HEPH: variants seen among roughly 807,000 people sequenced by gnomAD.
HEPH encodes the protein hephaestin.
In HEPH, 69 loss-of-function variants were observed where a neutral mutation model predicts 80.8. The ratio of observed to expected loss-of-function variants is 0.85; its 90% CI spans 0.70 to 1.04. HEPH has a LOEUF of 1.04. Ranked by LOEUF, HEPH falls within the 50% of genes least tolerant of loss-of-function variation. The pLI, the probability that HEPH is intolerant of heterozygous loss-of-function variation, is 0.00. For synonymous variants in HEPH, 431 were observed against 322.8 expected (o/e 1.34, Z -3.60); for missense variants, 1,115 against 891.3 (o/e 1.25, Z -3.20).
At chrX:66,207,738 C>T (rs190959367) in intron 14 of HEPH, among the ~76,000 whole-genome samples, 2 of 111,569 alleles carry the variant, frequency 1.8e-5, no homozygotes, top group East Asian at 5.6e-4. Context: ...AGAAGGGACC[C>T]ACTGACTCCT....
intron 15 of HEPH, among the ~76,000 whole-genome samples, chrX:66,215,417 A>G (rs1398479047): frequency 9.0e-6 from 1 of 110,893 alleles, no homozygotes; most frequent in Non-Finnish European, 1.9e-5. Flanking sequence ...AATACTAGTG[A>G]TGGTAGTGGT....
At chrX:66,220,215 A>G (rs978268242) in intron 15 of HEPH, among the ~76,000 whole-genome samples, 3 of 111,704 alleles carry the variant, frequency 2.7e-5, no homozygotes, top group African/African-American at 9.8e-5. Context: ...AGGAAGTGAC[A>G]TTGAGAGACT....
chrX:66,234,243 A>C (rs1453493514), intron 15 of HEPH, among the ~76,000 whole-genome samples: 1 of 111,195 alleles, frequency 9.0e-6, no homozygotes, highest in Admixed American at 9.6e-5. Context: ...ACATGATCTC[A>C]TTCTTTTTTA....
intron 15 of HEPH, among the ~76,000 whole-genome samples, chrX:66,236,153 G>T (rs2090353378): frequency 9.0e-6 from 1 of 111,476 alleles, no homozygotes; most frequent in African/African-American, 3.3e-5. Context: ...TGTTGATTGG[G>T]AGTTGTGGGA....
rs1414537475 is a variant in HEPH at position 66,200,547 on chromosome X, T to C, written c.1872T>C (p.Asn624=). The change falls in exon 12 of 21, where the codon AAT becomes AAC. Residue 624 remains asparagine, a synonymous_variant. Coordinates refer to ENST00000343002, the MANE Select transcript of HEPH (RefSeq NM_001367233.3). Reference sequence around the variant, plus strand: ...TGTGTTTTTGTTTTCCAGCCATTAATGGGTTTCTGTTCTCTAACCTGCCCA... The same window carrying C: ...TGTGTTTTTGTTTTCCAGCCATTAACGGGTTTCTGTTCTCTAACCTGCCCA... ...FQDSNRMHAI[N]GFLFSNLPRL... 3.3e-6 allele frequency: 4 copies of C among 1,196,692 alleles called. No homozygotes were observed. The highest frequency in any genetic ancestry group is 2.3e-5 in the Admixed American group (1 of 44,131).
intron 18 of HEPH, among the ~76,000 whole-genome samples, 198 bp downstream of exon 18, chrX:66,259,177 C>T (rs1403261992): frequency 1.8e-5 from 2 of 111,799 alleles, no homozygotes; most frequent in Admixed American, 1.9e-4. Flanking sequence ...CCTAGCTTTC[C>T]CTTCTGATGT....
intron 17 of HEPH, 126 bp downstream of exon 17, chrX:66,256,456 A>G: frequency 2.1e-6 from 1 of 483,733 alleles, no homozygotes; most frequent in Non-Finnish European, 3.5e-6. Flanking sequence ...GGAAGGTGAA[A>G]TGGGGATGAG....
intron 15 of HEPH, among the ~76,000 whole-genome samples, chrX:66,215,603 G>A (rs371789857): frequency 4.6e-4 from 51 of 111,827 alleles, no homozygotes; most frequent in African/African-American, 1.5e-3. Flanking sequence ...AACCATCTTC[G>A]GGGTGGAGGA....
chrX:66,191,585 G>A (rs1336130343), intron 6 of HEPH, among the ~76,000 whole-genome samples: 1 of 112,035 alleles, frequency 8.9e-6, no homozygotes, highest in African/African-American at 3.2e-5. Context: ...ACACTACTTA[G>A]AATCTACATT....
At chrX:66,175,054 G>T (rs2086743873) in intron 4 of HEPH, among the ~76,000 whole-genome samples, 1 of 111,633 alleles carries the variant, frequency 9.0e-6, no homozygotes, top group Admixed American at 9.5e-5. Context: ...GATTGCATTT[G>T]CCTTTGGGTT....
intron 12 of HEPH, among the ~76,000 whole-genome samples, chrX:66,202,956 CATAAT>C (rs1321706130): frequency 4.0e-5 from 4 of 101,185 alleles, no homozygotes; most frequent in South Asian, 8.8e-4. Flanking sequence ...CACACACACA[CATAAT>C]ATATTTTTAT....
chrX:66,216,587 A>G (rs1206592692), intron 15 of HEPH, among the ~76,000 whole-genome samples: 1 of 112,014 alleles, frequency 8.9e-6, no homozygotes, highest in Non-Finnish European at 1.9e-5. Flanking sequence ...TGAGTCCCAG[A>G]TCTTCCCTCT....
rs989034462 is a variant in HEPH, at chrX:66,250,004, G to A, written c.2564-5031G>A. ...TTCAAATGCTGACCATGGCAGTGAG[G>A]GAATTTGGACCAGATAGGGAAAAGA... On this transcript the variant is annotated intron_variant, in intron 15 of 20. Coordinates refer to ENST00000343002, the MANE Select transcript of HEPH (RefSeq NM_001367233.3). Among the ~76,000 whole-genome samples the A allele has an allele frequency of 8.1e-5, 9 of 111,176 alleles. No homozygotes were observed. The Admixed American group carries it at 8.6e-4, about 11-fold the overall frequency.
Position 66,260,200 on chromosome X carries a change from G to T in HEPH, c.3137G>T (p.Cys1046Phe). 8.3e-7 allele frequency: 1 copy of T among 1,209,373 alleles called. No homozygotes were observed. ...AACCCTGGGACATGGCTGATGCACT[G>T]CCATGTGACTGACCATGTCCATGCT... ...ASNPGTWLMH[C>F]HVTDHVHAGM... Residue 1046 changes from cysteine (C) to phenylalanine (F), a missense_variant, in exon 19 of 21, where the codon TGC becomes TTC. Cys to Phe is a radical substitution (Grantham distance 205). Around this residue, in one of 3 missense-constraint regions of HEPH, gnomAD observed 716 missense variants for 523.5 expected, o/e 1.37. Coordinates refer to ENST00000343002, the MANE Select transcript of HEPH (RefSeq NM_001367233.3).
intron 5 of HEPH, among the ~76,000 whole-genome samples, chrX:66,189,046 A>G (rs2087649777): frequency 8.9e-6 from 1 of 112,495 alleles, no homozygotes; most frequent in Non-Finnish European, 1.9e-5. Context: ...TGAAAAAGAA[A>G]CTAAAGGCAC....
At chrX:66,239,579 G>T (rs2090491400) in intron 15 of HEPH, among the ~76,000 whole-genome samples, 1 of 111,301 alleles carries the variant, frequency 9.0e-6, no homozygotes, top group African/African-American at 3.3e-5. Context: ...TATTTTAATT[G>T]TTGTTCTACT....
At chrX:66,202,369 G>A (rs181560874) in intron 12 of HEPH, among the ~76,000 whole-genome samples, 1 of 111,995 alleles carries the variant, frequency 8.9e-6, no homozygotes, top group African/African-American at 3.2e-5. Context: ...TGAAAGCCAG[G>A]AAGAAGAGTT....
At chrX:66,230,434 C>A (rs1360682603) in intron 15 of HEPH, among the ~76,000 whole-genome samples, 4 of 107,348 alleles carry the variant, frequency 3.7e-5, no homozygotes, top group African/African-American at 1.4e-4. Flanking sequence ...CTCTCCAGCA[C>A]CTGTTGTTTC....
In HEPH at chrX:66,227,319, C is replaced by A. The variant is rs1370949422; in HGVS notation, c.2563+19073C>A. Among the ~76,000 whole-genome samples the A allele has an allele frequency of 2.7e-5, 3 of 111,413 alleles. No homozygotes were observed. The South Asian group carries it at 1.1e-3, about 43-fold the overall frequency. ...TATGTCAAGCCATCTATGACAAACC[C>A]ACAACCAACATTATATTGAATGGGG... On this transcript the variant is annotated intron_variant, in intron 15 of 20. Coordinates refer to ENST00000343002, the MANE Select transcript of HEPH (RefSeq NM_001367233.3).
Sources: gnomAD v4.1 joint callset for allele counts (sites outside exome capture counted in the v4.1 genomes callset) on GRCh38, gnomAD v4.1.1 for gene constraint, gnomAD v4.1.1 regional missense constraint, MANE v1.5 for transcripts, NCBI Gene and HGNC (gene_info 2026-07-23, HGNC 2026-07-21) for gene names.